ABCF2: variants seen among roughly 807,000 people sequenced by gnomAD.
ABCF2 encodes the protein ATP-binding cassette sub-family F member 2.
Under a neutral mutation model 76.9 loss-of-function variants are expected in ABCF2, and 37 were observed. The ratio of observed to expected loss-of-function variants is 0.48; its 90% CI spans 0.37 to 0.63. The LOEUF (loss-of-function observed/expected upper bound fraction) is 0.63, where lower values mean the gene tolerates loss of function less well. ABCF2 is among the 30% of genes least tolerant of loss of function. The pLI is 0.00. For missense variants in ABCF2, 524 were observed against 782.1 expected (o/e 0.67, Z 3.94); for synonymous variants, 299 against 283.7 (o/e 1.05, Z -0.54).
chr7:151,218,813 C>G lies in ABCF2; in HGVS notation c.1078G>C (p.Glu360Gln). 6.2e-7 allele frequency: 1 copy of G among 1,613,690 alleles called. No homozygotes were observed. The highest frequency in any genetic ancestry group is 8.5e-7 in the Non-Finnish European group (1 of 1,179,970). The change falls in exon 9 of 15, where the codon GAG (glutamate) becomes CAG (glutamine). Residue 360 changes from glutamate (E) to glutamine (Q), a missense_variant. Glu to Gln is a conservative substitution (Grantham distance 29). Transcript: ENST00000287844. Reference protein sequence around the residue: ...AKLARQAQSKEKTLQKMMASG... With the variant: ...AKLARQAQSKQKTLQKMMASG... ...GCCATCATTTTCTGTAGCGTCTTCTCCTTGCTCTGGGCCTGCCGGGCCAGC... is the reference window on the plus strand; with the variant it reads ...GCCATCATTTTCTGTAGCGTCTTCTGCTTGCTCTGGGCCTGCCGGGCCAGC...
chr7:151,215,122 C>T lies in ABCF2; in HGVS notation c.1531-40G>A, dbSNP rs758923827. 2 of 1,553,620 alleles carry T rather than the reference C, an allele frequency of 1.3e-6. No homozygotes were observed. Among genetic ancestry groups the T allele is most frequent in the Non-Finnish European group, 1.8e-6 (2 of 1,137,346 alleles). On this transcript the variant is annotated intron_variant, in intron 13 of 14. Transcript: ENST00000287844. The surrounding 1 kb of genome is among the most constrained non-coding windows in gnomAD (Gnocchi z 4.6). ...GACCTACATATAACTTGGCATTATCCCCGCCAAACAGCACAGCTCATCTCT... is the reference window on the plus strand; with the variant it reads ...GACCTACATATAACTTGGCATTATCTCCGCCAAACAGCACAGCTCATCTCT...
rs761063623 is a variant in ABCF2 at position 151,218,171 on chromosome 7, T to C, written c.1248A>G (p.Leu416=). The C allele has an allele frequency of 6.2e-7, 1 of 1,613,112 alleles. No individual in the cohort carries two copies. The highest frequency in any genetic ancestry group is 8.5e-7 in the Non-Finnish European group (1 of 1,179,068). The change falls in exon 11 of 15, where the codon CTA becomes CTG. Residue 416 remains leucine, a synonymous_variant. Coordinates refer to ENST00000287844, the MANE Select transcript of ABCF2 (RefSeq NM_007189.3). ...GTGTGTCAAGGTCAATTCCAAATTC[T>C]AGATTATTGTAGATGCAAGGCTGAG... ...TKDGPCIYNN[L]EFGIDLDTRV... is the part of the protein sequence containing the mutation.
Position 151,221,607 on chromosome 7 carries a change from T to C in ABCF2, c.892A>G (p.Met298Val), listed in dbSNP as rs1369034366. 10 of 1,607,928 alleles carry C rather than the reference T, an allele frequency of 6.2e-6. No homozygotes were observed. Among genetic ancestry groups the C allele is most frequent in the Non-Finnish European group, 8.5e-6 (10 of 1,174,668 alleles). The change falls in exon 7 of 15, where the codon ATG (methionine) becomes GTG (valine). Residue 298 changes from methionine to valine, a missense_variant. By Grantham distance (21) the Met-to-Val change is conservative. Around this residue, in one of 2 missense-constraint regions of ABCF2, gnomAD observed 330 missense variants for 433.6 expected, o/e 0.76. Coordinates refer to ENST00000287844, the MANE Select transcript of ABCF2 (RefSeq NM_007189.3). The part of the protein sequence containing the change: ...LNGVCTNIIH[M>V]HNKKLKYYTG... ...TAATACTTCAGTTTCTTGTTGTGCA[T>C]GTGAATGATATTGGTACAGACACCA...
Position 151,222,616 on chromosome 7 carries a change from T to G in ABCF2, c.723A>C (p.Arg241Ser). 1 of 1,613,200 alleles carries G rather than the reference T, an allele frequency of 6.2e-7. No homozygotes were observed. Among genetic ancestry groups the G allele is most frequent in the Non-Finnish European group, 8.5e-7 (1 of 1,179,354 alleles). ...GCATGAAGGGCCGAATAAAGAGGGCTCTGAAGGACGGTAAAGGAGACAGAA... is the reference window on the plus strand; with the variant it reads ...GCATGAAGGGCCGAATAAAGAGGGCGCTGAAGGACGGTAAAGGAGACAGAA... Reference protein sequence around the residue: ...GGWRMRVALARALFIRPFMLL... With the variant: ...GGWRMRVALASALFIRPFMLL... The change falls in exon 6 of 15, where the codon AGA becomes AGC. Residue 241 changes from arginine (R) to serine (S), a missense_variant and splice_region_variant. Around this residue, in one of 2 missense-constraint regions of ABCF2, gnomAD observed 330 missense variants for 433.6 expected, o/e 0.76. Transcript: ENST00000287844.
chr7:151,226,284 C>T (rs752017832), intron 2 of ABCF2, 21 bp downstream of exon 2: 7 of 1,609,996 alleles, frequency 4.3e-6, no homozygotes, highest in Non-Finnish European at 5.9e-6. Context: ...CCATCCCCAA[C>T]TCACCCCTCC....
chr7:151,211,577 T>G lies in ABCF2; in HGVS notation c.*2477A>C. 1 of 985,396 alleles carries G rather than the reference T, an allele frequency of 1.0e-6. No individual in the cohort carries two copies. The highest frequency in any genetic ancestry group is 1.2e-6 in the Non-Finnish European group (1 of 829,892). The allele number at this position is 985,396 out of a possible 1,614,324, so 61.0% of individuals were successfully genotyped here. ...TTGACAAATAAGCTGACTAGACTAT[T>G]TCCATTCCTCCAGGTTCTGAAGATC... On this transcript the variant is annotated 3_prime_UTR_variant, in exon 15 of 15. Coordinates refer to ENST00000287844, the MANE Select transcript of ABCF2 (RefSeq NM_007189.3).
In ABCF2 at chr7:151,212,330, A is replaced by G; in HGVS notation, c.*1724T>C. ...GAGCCCTGGGCTGGAAGTGAATTCA[A>G]CAGTGATGATAACTATGGCTGTGGA... On this transcript the variant is annotated 3_prime_UTR_variant, in exon 15 of 15. Coordinates refer to ENST00000287844, the MANE Select transcript of ABCF2 (RefSeq NM_007189.3). 3.0e-6 allele frequency: 3 copies of G among 985,488 alleles called. No individual in the cohort carries two copies. Among genetic ancestry groups the G allele is most frequent in the Non-Finnish European group, 3.6e-6 (3 of 829,936 alleles). 61.0% of individuals were successfully genotyped at this position (985,488 alleles called of 1,614,324 possible).
intron 1 of ABCF2, chr7:151,226,849 C>T (rs1021674288): frequency 6.0e-6 from 1 of 166,118 alleles, no homozygotes; most frequent in Non-Finnish European, 1.3e-5. Context: ...CTCAGCTAGC[C>T]GCCTCACTTT....
intron 3 of ABCF2, 59 bp downstream of exon 3, chr7:151,224,717 T>C (rs2150576592): frequency 6.8e-7 from 1 of 1,472,698 alleles, no homozygotes; most frequent in Non-Finnish European, 9.5e-7. Context: ...AAATAAATGC[T>C]TGTGAGTGAC....
In ABCF2 at chr7:151,211,942, C is replaced by A. The variant is rs562200749; in HGVS notation, c.*2112G>T. 1 of 985,420 alleles carries A rather than the reference C, an allele frequency of 1.0e-6. No homozygotes were observed. Among genetic ancestry groups the A allele is most frequent in the East Asian group, 1.1e-4 (1 of 8,824 alleles). 61.0% of individuals were successfully genotyped at this position (985,420 alleles called of 1,614,324 possible). ...GGACTTTGTGGCCATCTGAGAAGAT[C>A]CTACTCATTTTTCAAGTGAGAGCAC... is the stretch of plus-strand genomic sequence containing the variant. On this transcript the variant is annotated 3_prime_UTR_variant, in exon 15 of 15. Transcript: ENST00000287844.
chr7:151,226,166 C>G, intron 2 of ABCF2, 139 bp downstream of exon 2: 4 of 1,057,378 alleles, frequency 3.8e-6, no homozygotes, highest in Non-Finnish European at 5.5e-6. Flanking sequence ...AATTCCAACT[C>G]TACTGATTTG....
At position 151,213,034 on chromosome 7, in the gene ABCF2, G is replaced by A. The variant is rs935183260; in HGVS notation, c.*1020C>T. On this transcript the variant is annotated 3_prime_UTR_variant, in exon 15 of 15. Coordinates refer to ENST00000287844, the MANE Select transcript of ABCF2 (RefSeq NM_007189.3). ...CTGCCTCAGCCTCCCAAAGCGCTGGGATTACAGGTGTGAGCCACCGCACCT... is the reference window on the plus strand; with the variant it reads ...CTGCCTCAGCCTCCCAAAGCGCTGGAATTACAGGTGTGAGCCACCGCACCT... 2.0e-5 allele frequency: 20 copies of A among 982,698 alleles called. No homozygotes were observed. The highest frequency in any genetic ancestry group is 6.2e-5 in the Admixed American group (1 of 16,258). The allele number at this position is 982,698 out of a possible 1,614,324, so 60.9% of individuals were successfully genotyped here.
chr7:151,219,275 C>T (rs1341864583), intron 7 of ABCF2, 116 bp from the exon 8 acceptor site: 2 of 845,318 alleles, frequency 2.4e-6, no homozygotes, highest in Non-Finnish European at 4.1e-6. Context: ...GGCTCTAAGG[C>T]TGTGCAGTAA....
At chr7:151,224,243 A>G in intron 3 of ABCF2, 129 bp from the exon 4 acceptor site, 1 of 842,354 alleles carries the variant, frequency 1.2e-6, no homozygotes, top group Non-Finnish European at 1.8e-6. Context: ...TCTTCCCTTC[A>G]TTCGTTCAAA....
Position 151,214,861 on chromosome 7 carries a change from C to T in ABCF2, c.1734+18G>A. On this transcript the variant is annotated intron_variant, in intron 14 of 14. Coordinates refer to ENST00000287844, the MANE Select transcript of ABCF2 (RefSeq NM_007189.3). This position sits in a 1 kb window ranked among gnomAD's most constrained non-coding sequence, Gnocchi z 4.9. ...CCTAGAAGCTCTGCTGTGCCTCACC[C>T]CCTGGCCAGGGCCTCACCTGCTGAA... The T allele has an allele frequency of 6.2e-7, 1 of 1,613,880 alleles. No homozygotes were observed.
chr7:151,214,236 C>T lies in ABCF2; in HGVS notation c.1735-45G>A, dbSNP rs370917310. ...CTTAATCCTGGGCTAGTCACTGTCC[C>T]TGCCTCTGCCCAGCAGACTGTCCTG... On this transcript the variant is annotated intron_variant, in intron 14 of 14. Transcript: ENST00000287844. The surrounding 1 kb of genome is among the most constrained non-coding windows in gnomAD (Gnocchi z 4.9). The T allele has an allele frequency of 3.3e-5, 54 of 1,613,774 alleles. No homozygotes were observed. Among genetic ancestry groups the T allele is most frequent in the Non-Finnish European group, 4.3e-5 (51 of 1,179,902 alleles).
rs1185526720 is a variant in ABCF2, at chr7:151,213,509, G to A, written c.*545C>T. ...AGACCCGAGAAGGAAGGTAGGGACC[G>A]TGGCTTCCTCTTTCTTTATTGGGCG... On this transcript the variant is annotated 3_prime_UTR_variant, in exon 15 of 15. Coordinates refer to ENST00000287844, the MANE Select transcript of ABCF2 (RefSeq NM_007189.3). 3.4e-5 allele frequency: 34 copies of A among 985,752 alleles called. No individual in the cohort carries two copies. The highest frequency in any genetic ancestry group is 1.4e-4 in the South Asian group (3 of 21,298). 61.1% of individuals were successfully genotyped at this position (985,752 alleles called of 1,614,324 possible).
chr7:151,214,092 C>A lies in ABCF2; in HGVS notation c.1834G>T (p.Glu612Ter). Residue 612 changes from glutamate (E) to a stop codon, truncating the protein, a stop_gained, in exon 15 of 15, where the codon GAG (glutamate) becomes TAG (stop). Transcript: ENST00000287844. LOFTEE classifies it high-confidence loss of function. The surrounding 1 kb of genome is among the most constrained non-coding windows in gnomAD (Gnocchi z 4.9). ...KEHLKSKLVD[E>*]EPQLTKRTHN... is the part of the protein sequence containing the mutation. ...GTCCTCTTGGTGAGCTGGGGCTCCT[C>A]ATCCACCAGCTTGGACTTGAGGTGC... 2.5e-6 allele frequency: 4 copies of A among 1,614,168 alleles called. No individual in the cohort carries two copies. The highest frequency in any genetic ancestry group is 3.4e-6 in the Non-Finnish European group (4 of 1,180,022).
intron 5 of ABCF2, among the ~76,000 whole-genome samples, chr7:151,222,878 T>C (rs1802299031): frequency 6.6e-6 from 1 of 152,186 alleles, no homozygotes; most frequent in Non-Finnish European, 1.5e-5. Context: ...TTTATGAGTT[T>C]ATGAGCCTTG....
Sources: gnomAD v4.1 joint callset for allele counts (sites outside exome capture counted in the v4.1 genomes callset) on GRCh38, gnomAD v4.1.1 for gene constraint, gnomAD v4.1.1 regional missense constraint, Gnocchi (gnomAD v3.1) non-coding constraint, MANE v1.5 for transcripts, NCBI Gene and HGNC (gene_info 2026-07-23, HGNC 2026-07-21) for gene names.